The following KLHDC10 variants were observed in gnomAD, a reference collection of about 807,000 sequenced individuals.
KLHDC10 encodes kelch domain-containing protein 10.
KLHDC10 carries 24 observed loss-of-function variants against 56.1 expected under a neutral mutation model. The ratio of observed to expected loss-of-function variants is 0.43; its 90% CI spans 0.31 to 0.60. The LOEUF (loss-of-function observed/expected upper bound fraction) is 0.60. Among genes scored for constraint, KLHDC10 ranks in the 20% least tolerant of loss-of-function variants. The pLI, the probability that KLHDC10 is intolerant of heterozygous loss-of-function variation, is 0.11. For missense variants in KLHDC10, 349 were observed against 567.0 expected (o/e 0.62, Z 3.91); for synonymous variants, 188 against 207.1 (o/e 0.91, Z 0.79).
chr7:130,120,738 TC>T lies in KLHDC10; in HGVS notation c.476-9del. The T allele has an allele frequency of 6.2e-7, 1 of 1,613,426 alleles. No homozygotes were observed. Among genetic ancestry groups the T allele is most frequent in the South Asian group, 1.1e-5 (1 of 90,904 alleles). Reference sequence around the variant, plus strand: ...CATTTGTGAACAGAACTTGTGCTTCTCCTTCCTCAGTTGTGCTGCATGGAAA... The same window carrying T: ...CATTTGTGAACAGAACTTGTGCTTCTCTTCCTCAGTTGTGCTGCATGGAAA... On this transcript the variant is annotated splice_polypyrimidine_tract_variant and intron_variant, in intron 3 of 9. Transcript: ENST00000335420. This position sits in a 1 kb window ranked among gnomAD's most constrained non-coding sequence, Gnocchi z 5.1.
At chr7:130,085,573 G>A (rs1795676587) in intron 1 of KLHDC10, among the ~76,000 whole-genome samples, 1 of 151,902 alleles carries the variant, frequency 6.6e-6, no homozygotes, top group African/African-American at 2.4e-5. Flanking sequence ...AGTGGCTCCT[G>A]CCTGTAATCC....
chr7:130,081,484 A>C (rs1469353743), intron 1 of KLHDC10, among the ~76,000 whole-genome samples: 1 of 151,120 alleles, frequency 6.6e-6, no homozygotes, highest in Non-Finnish European at 1.5e-5. Context: ...ACGCCCCACT[A>C]ATTTTTTGTA....
chr7:130,104,819 A>G (rs1795986990), intron 2 of KLHDC10, among the ~76,000 whole-genome samples: 2 of 152,232 alleles, frequency 1.3e-5, no homozygotes, highest in African/African-American at 4.8e-5. Context: ...TACAGTACCA[A>G]GGAGGTATGG....
intron 2 of KLHDC10, among the ~76,000 whole-genome samples, chr7:130,113,573 TC>T (rs1185688186): frequency 6.6e-6 from 1 of 152,180 alleles, no homozygotes; most frequent in Non-Finnish European, 1.5e-5. Context: ...CCTCAGGTCA[TC>T]CACCCGCCTT....
chr7:130,115,860 C>G (rs1030324277), intron 2 of KLHDC10, among the ~76,000 whole-genome samples: 1 of 151,928 alleles, frequency 6.6e-6, no homozygotes, highest in Non-Finnish European at 1.5e-5. Flanking sequence ...CTTTGTTAAC[C>G]TCCATAATAT....
At chr7:130,108,095 C>T (rs901875257) in intron 2 of KLHDC10, among the ~76,000 whole-genome samples, 2 of 148,940 alleles carry the variant, frequency 1.3e-5, no homozygotes, top group Non-Finnish European at 3.0e-5. Context: ...TGGTTGAGGT[C>T]GTGTGCGCCT....
intron 1 of KLHDC10, among the ~76,000 whole-genome samples, chr7:130,073,082 A>G (rs868710305): frequency 3.3e-5 from 5 of 151,300 alleles, no homozygotes; most frequent in African/African-American, 4.9e-5. Flanking sequence ...TGAGTGTACT[A>G]TAGCGGCTGG....
intron 2 of KLHDC10, among the ~76,000 whole-genome samples, chr7:130,100,905 G>C (rs1795920076): frequency 6.6e-6 from 1 of 151,744 alleles, no homozygotes; most frequent in Non-Finnish European, 1.5e-5. Context: ...TTATAAAATG[G>C]CAGACTTAAC....
intron 1 of KLHDC10, among the ~76,000 whole-genome samples, chr7:130,080,086 C>T (rs949267444): frequency 1.3e-5 from 2 of 151,988 alleles, no homozygotes; most frequent in Non-Finnish European, 1.5e-5. Context: ...GGACTACAGG[C>T]GTGCACCACC....
chr7:130,116,766 T>G lies in KLHDC10; in HGVS notation c.475+100T>G, dbSNP rs1183668751. 9.9e-7 allele frequency: 1 copy of G among 1,014,344 alleles called. No homozygotes were observed. The highest frequency in any genetic ancestry group is 1.9e-5 in the Admixed American group (1 of 52,518). 62.8% of individuals were successfully genotyped at this position (1,014,344 alleles called of 1,614,324 possible). A position where few individuals can be genotyped will look rare whatever the true frequency, so the allele number is the denominator to read the frequency against. ...ATTAATAATTTATAACACTATAATG[T>G]GATTTCGCCCTGTGGGTGGATAGGC... On this transcript the variant is annotated intron_variant, in intron 3 of 9. Coordinates refer to ENST00000335420, the MANE Select transcript of KLHDC10 (RefSeq NM_014997.4). The surrounding 1 kb of genome is among the most constrained non-coding windows in gnomAD (Gnocchi z 4.8).
chr7:130,085,653 G>A (rs969308537), intron 1 of KLHDC10, among the ~76,000 whole-genome samples: 2 of 151,340 alleles, frequency 1.3e-5, no homozygotes, highest in African/African-American at 4.9e-5. Context: ...TGGTCAACAT[G>A]GCAAAACCCC....
At chr7:130,096,526 C>T (rs1795850497) in intron 1 of KLHDC10, among the ~76,000 whole-genome samples, 1 of 152,106 alleles carries the variant, frequency 6.6e-6, no homozygotes, top group South Asian at 2.1e-4. Context: ...GAACAGGAGC[C>T]TCTGTTATGT....
chr7:130,106,797 C>G (rs1269331336), intron 2 of KLHDC10, among the ~76,000 whole-genome samples: 1 of 151,860 alleles, frequency 6.6e-6, no homozygotes, highest in Non-Finnish European at 1.5e-5. Flanking sequence ...GGGCAACACT[C>G]TGTCTCTAAG....
chr7:130,086,202 T>C (rs965520545), intron 1 of KLHDC10, among the ~76,000 whole-genome samples: 2 of 152,200 alleles, frequency 1.3e-5, no homozygotes, highest in African/African-American at 4.8e-5. Context: ...TCAATGGTTC[T>C]ATAGTCTTCT....
At chr7:130,080,803 C>T (rs1203856936) in intron 1 of KLHDC10, among the ~76,000 whole-genome samples, 2 of 152,082 alleles carry the variant, frequency 1.3e-5, no homozygotes, top group African/African-American at 2.4e-5. Context: ...TCCAGATTTT[C>T]AAAATTATTT....
chr7:130,125,845 T>C lies in KLHDC10; in HGVS notation c.865-20T>C. The C allele has an allele frequency of 6.4e-7, 1 of 1,570,328 alleles. No individual in the cohort carries two copies. The highest frequency in any genetic ancestry group is 1.9e-5 in the Admixed American group (1 of 51,616). On this transcript the variant is annotated intron_variant, in intron 6 of 9. Transcript: ENST00000335420. Reference sequence around the variant, plus strand: ...TTACAATTATTTATGTATGTGTATATGTTCTTTTTTTTCTCCAAGATCCAT... The same window carrying C: ...TTACAATTATTTATGTATGTGTATACGTTCTTTTTTTTCTCCAAGATCCAT...
Position 130,130,975 on chromosome 7 carries a change from G to A in KLHDC10, c.*229G>A, listed in dbSNP as rs1422420951. On this transcript the variant is annotated 3_prime_UTR_variant, in exon 10 of 10. Transcript: ENST00000335420. This position sits in a 1 kb window ranked among gnomAD's most constrained non-coding sequence, Gnocchi z 4.2. ...TCCTCCTGACCCATTACATGCACAT[G>A]TACTCACATACTCCCTCTTCCTTCT... The A allele has an allele frequency of 5.9e-6, 3 of 508,854 alleles. No homozygotes were observed. The highest frequency in any genetic ancestry group is 1.9e-5 in the African/African-American group (1 of 52,184). 31.5% of individuals were successfully genotyped at this position (508,854 alleles called of 1,614,324 possible).
intron 1 of KLHDC10, among the ~76,000 whole-genome samples, chr7:130,093,889 G>A (rs1795813350): frequency 1.3e-5 from 2 of 151,906 alleles, no homozygotes; most frequent in South Asian, 2.1e-4. Context: ...ACATAAAAAG[G>A]GTTTTTTATT....
chr7:130,102,230 A>G (rs750767476), intron 2 of KLHDC10, among the ~76,000 whole-genome samples: 2 of 152,164 alleles, frequency 1.3e-5, no homozygotes, highest in Non-Finnish European at 2.9e-5. Context: ...ACTTACCTGC[A>G]GAGACCCACA....
Sources: gnomAD v4.1 joint callset for allele counts (sites outside exome capture counted in the v4.1 genomes callset) on GRCh38, gnomAD v4.1.1 for gene constraint, Gnocchi (gnomAD v3.1) non-coding constraint, MANE v1.5 for transcripts, NCBI Gene and HGNC (gene_info 2026-07-23, HGNC 2026-07-21) for gene names.